Variants in LDLRAD4 observed in about 807,000 individuals in gnomAD.
The protein encoded by LDLRAD4 is low-density lipoprotein receptor class A domain-containing protein 4.
Under a neutral mutation model 17.0 loss-of-function variants are expected in LDLRAD4, and 5 were observed. That is an observed-to-expected ratio of 0.29 (90% CI 0.15 to 0.62). LDLRAD4 has a LOEUF of 0.62. Ranked by LOEUF, LDLRAD4 falls within the 20% of genes least tolerant of loss-of-function variation. The probability of loss-of-function intolerance (pLI) is 0.84; values close to 1 mark genes in which losing one functional copy is unlikely to be tolerated. For missense variants in LDLRAD4, 340 were observed against 424.7 expected, an observed-to-expected ratio of 0.80 and a Z score of 1.75; for synonymous variants, 168 against 171.8, an observed-to-expected ratio of 0.98 and a Z score of 0.17.
chr18:13,255,049 A>C (rs989319680), intron 1 of LDLRAD4, among the ~76,000 whole-genome samples: 1 of 152,256 alleles, frequency 6.6e-6, no homozygotes, highest in Non-Finnish European at 1.5e-5. Flanking sequence ...ATGAAATGAT[A>C]GTAGAAAATA....
intron 3 of LDLRAD4, among the ~76,000 whole-genome samples, chr18:13,482,945 C>CA (rs2093129393): frequency 6.6e-6 from 1 of 152,122 alleles, no homozygotes. Context: ...GAGTCTAAGA[C>CA]AAATGCATTC....
intron 4 of LDLRAD4, among the ~76,000 whole-genome samples, chr18:13,632,478 G>C (rs2041751608): frequency 6.6e-6 from 1 of 152,232 alleles, no homozygotes; most frequent in Admixed American, 6.5e-5. Context: ...CAGATACACT[G>C]CATGCAGCAT....
At chr18:13,327,569 T>C (rs2081601913) in intron 1 of LDLRAD4, among the ~76,000 whole-genome samples, 1 of 152,032 alleles carries the variant, frequency 6.6e-6, no homozygotes, top group African/African-American at 2.4e-5. Context: ...GATTTCCATA[T>C]GGTGCGTGTA....
chr18:13,541,910 A>T (rs1484417046), intron 3 of LDLRAD4, among the ~76,000 whole-genome samples: 1 of 152,106 alleles, frequency 6.6e-6, no homozygotes, highest in East Asian at 1.9e-4. Context: ...TGTCTCTACA[A>T]ATATAGCCCA....
chr18:13,252,990 C>G (rs1291214617), intron 1 of LDLRAD4, among the ~76,000 whole-genome samples: 1 of 152,216 alleles, frequency 6.6e-6, no homozygotes, highest in Non-Finnish European at 1.5e-5. Context: ...CAGGTGAGTG[C>G]TTGCATGGAA....
intron 3 of LDLRAD4, among the ~76,000 whole-genome samples, chr18:13,507,137 T>A (rs2093706719): frequency 6.6e-6 from 1 of 152,164 alleles, no homozygotes; most frequent in African/African-American, 2.4e-5. Flanking sequence ...GTGACAGTGA[T>A]CTTTTTTAAA....
chr18:13,605,441 C>T (rs993196904), intron 3 of LDLRAD4, among the ~76,000 whole-genome samples: 1 of 152,348 alleles, frequency 6.6e-6, no homozygotes, highest in Non-Finnish European at 1.5e-5. Flanking sequence ...TTGTCTCAAA[C>T]TCCTGGCCTC....
At chr18:13,497,846 C>A (rs1009864301) in intron 3 of LDLRAD4, among the ~76,000 whole-genome samples, 3 of 151,448 alleles carry the variant, frequency 2.0e-5, no homozygotes, top group Admixed American at 1.3e-4. Flanking sequence ...ACACACGTCC[C>A]GCCGTGGACA....
intron 2 of LDLRAD4, among the ~76,000 whole-genome samples, chr18:13,407,662 T>C (rs1197919156): frequency 1.3e-5 from 2 of 152,342 alleles, no homozygotes; most frequent in East Asian, 3.9e-4. Flanking sequence ...GCTCAGAGAA[T>C]CTTTGCCTGG....
intron 1 of LDLRAD4, among the ~76,000 whole-genome samples, chr18:13,363,719 TAATAAA>T (rs1258603473): frequency 6.6e-6 from 1 of 152,178 alleles, no homozygotes; most frequent in African/African-American, 2.4e-5. Flanking sequence ...AGGAGTAATG[TAATAAA>T]AATAAAAATA....
chr18:13,305,886 C>T (rs2046882146), intron 1 of LDLRAD4, among the ~76,000 whole-genome samples: 1 of 152,066 alleles, frequency 6.6e-6, no homozygotes, highest in Non-Finnish European at 1.5e-5. Context: ...AGAAAGCTCA[C>T]CTATAGACTC....
intron 1 of LDLRAD4, among the ~76,000 whole-genome samples, chr18:13,266,376 C>T (rs1428693803): frequency 6.6e-6 from 1 of 152,296 alleles, no homozygotes; most frequent in East Asian, 1.9e-4. Context: ...TGGTACCTCG[C>T]ACTGGGTCCG....
chr18:13,549,535 T>C (rs1345972277), intron 3 of LDLRAD4, among the ~76,000 whole-genome samples: 1 of 151,966 alleles, frequency 6.6e-6, no homozygotes, highest in African/African-American at 2.4e-5. Context: ...AGAACAGATC[T>C]ATAATTGTGT....
chr18:13,218,341 G>A (rs889985282), upstream of LDLRAD4, among the ~76,000 whole-genome samples: 1 of 152,208 alleles, frequency 6.6e-6, no homozygotes, highest in Non-Finnish European at 1.5e-5. Context: ...CCCGCGGGCG[G>A]GGTTACGCCG....
At chr18:13,246,333 C>A (rs1567928728) in intron 1 of LDLRAD4, among the ~76,000 whole-genome samples, 2 of 152,310 alleles carry the variant, frequency 1.3e-5, no homozygotes, top group South Asian at 4.1e-4. Context: ...GCTGCCCTGG[C>A]GCCTGGTGAT....
At chr18:13,497,957 T>C (rs1318503329) in intron 3 of LDLRAD4, among the ~76,000 whole-genome samples, 7 of 116,114 alleles carry the variant, frequency 6.0e-5, no homozygotes, top group South Asian at 3.1e-4. Context: ...CTTCTCGCCA[T>C]ACACGTCCTG....
intron 1 of LDLRAD4, among the ~76,000 whole-genome samples, chr18:13,287,978 A>G (rs1264064173): frequency 1.3e-5 from 2 of 152,230 alleles, no homozygotes; most frequent in Non-Finnish European, 2.9e-5. Context: ...AGAAAATCTC[A>G]TATAAACGTA....
chr18:13,456,816 T>A (rs552214383), intron 3 of LDLRAD4, among the ~76,000 whole-genome samples: 3 of 152,212 alleles, frequency 2.0e-5, no homozygotes, highest in Non-Finnish European at 2.9e-5. Context: ...GCTCAGTAAA[T>A]CATAGGTCAG....
chr18:13,364,023 G>T, intron 1 of LDLRAD4, among the ~76,000 whole-genome samples: 1 of 152,268 alleles, frequency 6.6e-6, no homozygotes, highest in South Asian at 2.1e-4. Context: ...TTGGTCTGAA[G>T]TATACTGAGG....
Sources: allele counts gnomAD v4.1 joint callset (sites outside exome capture counted in the v4.1 genomes callset), GRCh38; gene constraint gnomAD v4.1.1; transcripts MANE v1.5; gene names NCBI Gene and HGNC (gene_info 2026-07-23, HGNC 2026-07-21).